Variants in RANBP2 observed in about 807,000 individuals in gnomAD.
RANBP2 encodes the protein RAN binding protein 2, also known as E3 SUMO-protein ligase RanBP2.
In RANBP2, 57 loss-of-function variants were observed where a neutral mutation model predicts 303.6. The ratio of observed to expected loss-of-function variants is 0.19; its 90% CI spans 0.15 to 0.23. The LOEUF is 0.23. RANBP2 is among the 10% of genes least tolerant of loss of function. The pLI, the probability that RANBP2 is intolerant of heterozygous loss-of-function variation, is 1.00. For synonymous variants in RANBP2, 1,167 were observed against 1,301.5 expected, an observed-to-expected ratio of 0.90 and a Z score of 2.23; for missense variants, 3,138 against 3,780.8, an observed-to-expected ratio of 0.83 and a Z score of 4.46.
At chr2:108,844,368 T>C in the RANBP2 span, among the ~76,000 whole-genome samples, 3 of 152,132 alleles carry the variant, frequency 2.0e-5, no homozygotes, top group South Asian at 2.1e-4. Context: ...GAGACTGTTA[T>C]TGTATTTCCA....
the RANBP2 span, among the ~76,000 whole-genome samples, chr2:109,215,210 A>G: frequency 2.0e-5 from 3 of 152,152 alleles, no homozygotes; most frequent in Admixed American, 6.5e-5. Flanking sequence ...ACCTCCCCTC[A>G]TGGTCCCTGC....
At chr2:109,394,116 T>C in the RANBP2 span, among the ~76,000 whole-genome samples, 1 of 152,216 alleles carries the variant, frequency 6.6e-6, no homozygotes, top group East Asian at 1.9e-4. Context: ...GTCCATTCTG[T>C]AGAACTGTTT....
At chr2:109,527,945 C>T in the RANBP2 span, among the ~76,000 whole-genome samples, 21 of 152,026 alleles carry the variant, frequency 1.4e-4, no homozygotes, top group Admixed American at 2.6e-4. Flanking sequence ...GGCTGGAGGG[C>T]GAGGAGGATG....
chr2:109,515,289 G>A, the RANBP2 span, among the ~76,000 whole-genome samples: 1 of 152,318 alleles, frequency 6.6e-6, no homozygotes, highest in African/African-American at 2.4e-5. Context: ...ATGATTCAGT[G>A]TAAGTTGAGG....
the RANBP2 span, among the ~76,000 whole-genome samples, chr2:109,595,372 T>C: frequency 6.6e-6 from 1 of 152,214 alleles, no homozygotes; most frequent in Non-Finnish European, 1.5e-5. Context: ...CTGATTTTAA[T>C]ACCTGGCTTC....
the RANBP2 span, chr2:109,449,629 T>A: frequency 8.6e-7 from 1 of 1,164,086 alleles, no homozygotes; most frequent in Non-Finnish European, 1.2e-6. Context: ...GAACCAGGCG[T>A]GTGACAGAGA....
At chr2:109,436,548 G>C in the RANBP2 span, among the ~76,000 whole-genome samples, 1 of 152,186 alleles carries the variant, frequency 6.6e-6, no homozygotes, top group Non-Finnish European at 1.5e-5. Flanking sequence ...GGACATGACT[G>C]AGTCATCTGT....
At chr2:109,613,936 G>T in the RANBP2 span, 4 of 1,218,092 alleles carry the variant, frequency 3.3e-6, no homozygotes, top group Non-Finnish European at 4.1e-6. Flanking sequence ...GGCGGGGCGC[G>T]AGGCTAGGCT....
the RANBP2 span, among the ~76,000 whole-genome samples, chr2:109,621,835 C>T: frequency 6.6e-6 from 1 of 151,930 alleles, no homozygotes; most frequent in African/African-American, 2.4e-5. Context: ...ATCTCTTTAA[C>T]CCGGGAGGCG....
chr2:108,935,080 C>T, the RANBP2 span, among the ~76,000 whole-genome samples: 1 of 152,222 alleles, frequency 6.6e-6, no homozygotes, highest in Non-Finnish European at 1.5e-5. Flanking sequence ...TAAGAGACCG[C>T]ATGACCAGGT....
chr2:108,956,104 C>T, the RANBP2 span, among the ~76,000 whole-genome samples: 1 of 152,140 alleles, frequency 6.6e-6, no homozygotes, highest in Non-Finnish European at 1.5e-5. Context: ...GTTTCATTCC[C>T]TATTGTCTTA....
the RANBP2 span, among the ~76,000 whole-genome samples, chr2:108,960,315 C>G: frequency 1.3e-5 from 2 of 152,116 alleles, no homozygotes; most frequent in African/African-American, 2.4e-5. Context: ...ATTGTCTGAA[C>G]AAAAAAAGTG....
At chr2:109,631,108 C>A in the RANBP2 span, among the ~76,000 whole-genome samples, 1 of 152,120 alleles carries the variant, frequency 6.6e-6, no homozygotes, top group African/African-American at 2.4e-5. Flanking sequence ...AGATTAATAA[C>A]TTGAAAAGGA....
At chr2:109,132,375 C>A in the RANBP2 span, among the ~76,000 whole-genome samples, 111 of 152,288 alleles carry the variant, frequency 7.3e-4, no homozygotes, top group Admixed American at 2.2e-3. Context: ...GTTTTACTGG[C>A]AGGACACAAA....
At chr2:109,600,456 T>C in the RANBP2 span, among the ~76,000 whole-genome samples, 1 of 152,008 alleles carries the variant, frequency 6.6e-6, no homozygotes, top group African/African-American at 2.4e-5. Context: ...TAGAATATAA[T>C]TCCTGTTCCA....
At chr2:109,157,512 C>T in the RANBP2 span, among the ~76,000 whole-genome samples, 1 of 152,202 alleles carries the variant, frequency 6.6e-6, no homozygotes, top group South Asian at 2.1e-4. Context: ...TGAAACTGGC[C>T]TTAGAGATAA....
the RANBP2 span, chr2:109,129,208 G>A: frequency 1.2e-5 from 6 of 517,750 alleles, no homozygotes; most frequent in Non-Finnish European, 2.1e-5. Flanking sequence ...TTGCAGCACA[G>A]AACCCGTTGA....
chr2:109,595,234 T>A, the RANBP2 span, among the ~76,000 whole-genome samples: 20 of 152,140 alleles, frequency 1.3e-4, no homozygotes, highest in Non-Finnish European at 2.2e-4. Flanking sequence ...ATGACACTTG[T>A]CAGTTGGAAG....
At chr2:108,917,016 C>T in the RANBP2 span, among the ~76,000 whole-genome samples, 5 of 152,186 alleles carry the variant, frequency 3.3e-5, no homozygotes, top group Admixed American at 6.5e-5. Context: ...CTCTTCCCTG[C>T]GCTCGGAGCT....
Sources: allele counts gnomAD v4.1 joint callset (sites outside exome capture counted in the v4.1 genomes callset), GRCh38; gene constraint gnomAD v4.1.1; transcripts MANE v1.5; gene names NCBI Gene and HGNC (gene_info 2026-07-23, HGNC 2026-07-21).